Variants in CLCA1 observed in about 807,000 individuals in gnomAD.
CLCA1 encodes the protein chloride channel accessory 1, also known as calcium-activated chloride channel regulator 1.
In CLCA1, 59 loss-of-function variants were observed where a neutral mutation model predicts 85.6. The ratio of observed to expected loss-of-function variants is 0.69; its 90% CI spans 0.56 to 0.86. The LOEUF (loss-of-function observed/expected upper bound fraction) is 0.86. Among genes scored for constraint, CLCA1 ranks in the 40% least tolerant of loss-of-function variants. CLCA1 has a pLI of 0.00. For missense variants in CLCA1, 1,022 were observed against 1,101.4 expected (o/e 0.93, Z 1.02); for synonymous variants, 396 against 398.3 (o/e 0.99, Z 0.07).
chr1:86,488,880 A>G (rs1648059366), intron 7 of CLCA1, 116 bp from the exon 8 acceptor site: 1 of 760,150 alleles, frequency 1.3e-6, no homozygotes, highest in Non-Finnish European at 2.2e-6. Flanking sequence ...GGTCATTCCC[A>G]GACAATTTTG....
Position 86,489,083 on chromosome 1 carries a change from G to A in CLCA1, c.1270G>A (p.Glu424Lys), listed in dbSNP as rs571873814. The change falls in exon 8 of 14, where the codon GAG becomes AAG. Residue 424 changes from glutamate (E) to lysine (K), a missense_variant. Coordinates refer to ENST00000394711, the MANE Select transcript of CLCA1 (RefSeq NM_001285.4). ...CAACACTATAAGTGGGTGCTTTAAC[G>A]AGGTCAAACAAAGTGGTGCCATCAT... is the stretch of plus-strand genomic sequence containing the variant. ...EDNTISGCFN[E>K]VKQSGAIIHT... 2.7e-5 allele frequency: 44 copies of A among 1,614,052 alleles called. No homozygotes were observed. The highest frequency in any genetic ancestry group is 1.9e-4 in the South Asian group (17 of 91,078).
intron 5 of CLCA1, among the ~76,000 whole-genome samples, chr1:86,482,991 A>C (rs1205614296): frequency 2.6e-5 from 4 of 152,228 alleles, no homozygotes; most frequent in South Asian, 2.1e-4. Flanking sequence ...GATTGAAGGC[A>C]TCAGTTAACT....
intron 3 of CLCA1, among the ~76,000 whole-genome samples, chr1:86,474,553 C>CA (rs142437955): frequency 0.032 from 3,456 of 109,046 alleles, 135 homozygotes; most frequent in African/African-American, 0.11. Flanking sequence ...GACTCCGTAT[C>CA]AAAAAAAAAA....
intron 1 of CLCA1, among the ~76,000 whole-genome samples, chr1:86,469,946 G>T (rs5744304): frequency 0.025 from 3,772 of 152,220 alleles, 139 homozygotes; most frequent in African/African-American, 0.08. Flanking sequence ...AGGGAAGCTG[G>T]GTGGAGTATG....
intron 1 of CLCA1, among the ~76,000 whole-genome samples, chr1:86,470,779 G>A (rs553256463): frequency 2.6e-5 from 4 of 152,210 alleles, no homozygotes; most frequent in Middle Eastern, 3.4e-3. Context: ...GAGGGACCTC[G>A]TTGAGGGCTT....
intron 12 of CLCA1, among the ~76,000 whole-genome samples, chr1:86,497,021 C>T (rs1648309532): frequency 6.6e-6 from 1 of 152,246 alleles, no homozygotes; most frequent in Non-Finnish European, 1.5e-5. Flanking sequence ...AGCCACCGTG[C>T]CCAGCCCATG....
rs753492987 is a variant in CLCA1 at position 86,494,377 on chromosome 1, C to T, written c.1871C>T (p.Ala624Val). 1.9e-6 allele frequency: 3 copies of T among 1,614,164 alleles called. No homozygotes were observed. The highest frequency in any genetic ancestry group is 2.5e-6 in the Non-Finnish European group (3 of 1,179,982). Residue 624 changes from alanine (A) to valine (V), a missense_variant, in exon 11 of 14, where the codon GCC (alanine) becomes GTC (valine). Coordinates refer to ENST00000394711, the MANE Select transcript of CLCA1 (RefSeq NM_001285.4). ...IRQGASPILRASVTALIESVN... is the reference protein window; with the variant it reads ...IRQGASPILRVSVTALIESVN... ...CAAGGAGCCTCCCCAATTCTCAGGGCCAGTGTCACAGCCCTGATTGAATCA... is the reference window on the plus strand; with the variant it reads ...CAAGGAGCCTCCCCAATTCTCAGGGTCAGTGTCACAGCCCTGATTGAATCA...
At chr1:86,478,996 A>G (rs1474116361) in intron 4 of CLCA1, among the ~76,000 whole-genome samples, 3 of 152,236 alleles carry the variant, frequency 2.0e-5, no homozygotes, top group Non-Finnish European at 2.9e-5. Flanking sequence ...AGGACTAAGA[A>G]TAGCCACTAT....
chr1:86,469,857 T>C (rs567434058), intron 1 of CLCA1, among the ~76,000 whole-genome samples: 1 of 152,288 alleles, frequency 6.6e-6, no homozygotes, highest in African/African-American at 2.4e-5. Flanking sequence ...AGTATTAGTC[T>C]GTAAAATGGG....
intron 12 of CLCA1, among the ~76,000 whole-genome samples, chr1:86,495,985 T>G (rs1648272072): frequency 6.6e-6 from 1 of 152,200 alleles, no homozygotes; most frequent in Admixed American, 6.5e-5. Context: ...TGAAAATCAC[T>G]GGATAGAACA....
Position 86,491,259 on chromosome 1 carries a change from T to C in CLCA1, c.1358-6T>C, listed in dbSNP as rs756571882. 2.6e-5 allele frequency: 41 copies of C among 1,596,690 alleles called. No individual in the cohort carries two copies. The highest frequency in any genetic ancestry group is 3.3e-5 in the Non-Finnish European group (38 of 1,168,106). ...AATAATTTCTGAAAATGTAATTGCA[T>C]TTTAGGAGGTTTACAGACATATGCT... On this transcript the variant is annotated splice_region_variant and splice_polypyrimidine_tract_variant and intron_variant, in intron 8 of 13. Transcript: ENST00000394711.
chr1:86,485,787 T>C (rs766762103), intron 6 of CLCA1, among the ~76,000 whole-genome samples: 4 of 152,204 alleles, frequency 2.6e-5, no homozygotes, highest in Non-Finnish European at 5.9e-5. Flanking sequence ...CAAGATCTGA[T>C]GAATTATATG....
chr1:86,490,349 AT>A (rs1648101142), intron 8 of CLCA1, among the ~76,000 whole-genome samples: 1 of 152,216 alleles, frequency 6.6e-6, no homozygotes, highest in Non-Finnish European at 1.5e-5. Context: ...TTAAGTTCAG[AT>A]GGAATTATAA....
rs1254147215 is a variant in CLCA1 at position 86,488,619 on chromosome 1, A to G, written c.1183-377A>G. Among the ~76,000 whole-genome samples the G allele has an allele frequency of 5.9e-5, 9 of 152,312 alleles. No individual in the cohort carries two copies. The East Asian group carries it at 7.7e-4, about 13-fold the overall frequency. ...CTGCCCTGGGTCTAATATCCCCCCA[A>G]TATAATCCCCATTAAATGAGATGGT... On this transcript the variant is annotated intron_variant, in intron 7 of 13. Coordinates refer to ENST00000394711, the MANE Select transcript of CLCA1 (RefSeq NM_001285.4).
In CLCA1 at chr1:86,482,335, C is replaced by G; in HGVS notation, c.688C>G (p.Arg230Gly). Residue 230 changes from arginine (R) to glycine (G), a missense_variant, in exon 5 of 14, where the codon CGC becomes GGC. Physicochemically the swap from Arg to Gly is moderately radical, Grantham distance 125 (BLOSUM62 -2). Coordinates refer to ENST00000394711, the MANE Select transcript of CLCA1 (RefSeq NM_001285.4). ...AGGATGTGAGTTTGTTCTCCAATCCCGCCAGACGGAGAAGGCTTCTATAAT... is the reference window on the plus strand; with the variant it reads ...AGGATGTGAGTTTGTTCTCCAATCCGGCCAGACGGAGAAGGCTTCTATAAT... ...EKGCEFVLQS[R>G]QTEKASIMFA... 1.2e-6 allele frequency: 2 copies of G among 1,614,080 alleles called. No homozygotes were observed. Among genetic ancestry groups the G allele is most frequent in the Middle Eastern group, 3.3e-4 (2 of 6,062 alleles).
chr1:86,498,902 C>G, intron 13 of CLCA1, 91 bp downstream of exon 13: 1 of 1,419,802 alleles, frequency 7.0e-7, no homozygotes, highest in Non-Finnish European at 9.6e-7. Context: ...TGTTCTGATA[C>G]TTAGGGGGCA....
intron 6 of CLCA1, among the ~76,000 whole-genome samples, chr1:86,485,823 G>A (rs553742700): frequency 1.3e-5 from 2 of 152,162 alleles, no homozygotes; most frequent in African/African-American, 4.8e-5. Context: ...ATGTTTCACT[G>A]ACAATATATA....
At chr1:86,479,234 G>C (rs5744336) in intron 4 of CLCA1, among the ~76,000 whole-genome samples, 2,024 of 152,228 alleles carry the variant, frequency 0.013, 48 homozygotes, top group African/African-American at 0.046. Context: ...GCAATAACCA[G>C]TTCAAAAATA....
At chr1:86,494,134 G>T (rs1376991761) in intron 10 of CLCA1, 53 bp from the exon 11 acceptor site, 3 of 1,602,856 alleles carry the variant, frequency 1.9e-6, no homozygotes, top group Admixed American at 1.7e-5. Flanking sequence ...TTGAAGTCAG[G>T]TCTGTGTCAC....
Sources: gnomAD v4.1 joint callset for allele counts (sites outside exome capture counted in the v4.1 genomes callset) on GRCh38, gnomAD v4.1.1 for gene constraint, MANE v1.5 for transcripts, NCBI Gene and HGNC (gene_info 2026-07-23, HGNC 2026-07-21) for gene names.